P2RY8: variants seen among roughly 807,000 people sequenced by gnomAD.
P2RY8 encodes the protein S-geranylgeranyl-glutathione receptor P2RY8.
Under a neutral mutation model 10.0 loss-of-function variants are expected in P2RY8, and 6 were observed. That is an observed-to-expected ratio of 0.60 (90% CI 0.33 to 1.19). P2RY8 has a LOEUF of 1.19. Ranked by LOEUF, P2RY8 falls within the 50% of genes most tolerant of loss-of-function variation. The pLI, the probability that P2RY8 is intolerant of heterozygous loss-of-function variation, is 0.04. For synonymous variants in P2RY8, 276 were observed against 252.5 expected (o/e 1.09, Z -0.88); for missense variants, 456 against 542.0 (o/e 0.84, Z 1.58).
chrX:1,535,903 T>C lies in P2RY8; in HGVS notation c.-25+1018A>G, dbSNP rs766232862. Among the ~76,000 whole-genome samples, 8 of 152,150 alleles carry C rather than the reference T, an allele frequency of 5.3e-5. No homozygotes were observed. In the South Asian group the frequency reaches 1.2e-3, roughly 24 times the overall value. On this transcript the variant is annotated intron_variant, in intron 1 of 1. Coordinates refer to ENST00000381297, the MANE Select transcript of P2RY8 (RefSeq NM_178129.5). ...TTCTCAGCTTTTTAGGGGACAGATC[T>C]GACAAGACCCAAGGAATTGGGGTTT...
At chrX:1,466,609 CG>C (rs770186971) in intron 1 of P2RY8, 27 bp from the exon 2 acceptor site, 2 of 1,562,144 alleles carry the variant, frequency 1.3e-6, no homozygotes, top group South Asian at 2.4e-5. Context: ...GAAGGGTGTA[CG>C]GGTCAGGGGC....
At chrX:1,507,407 G>A (rs1404423226) in intron 1 of P2RY8, among the ~76,000 whole-genome samples, 1 of 152,106 alleles carries the variant, frequency 6.6e-6, no homozygotes, top group Admixed American at 6.6e-5. Context: ...ATCTCTCGTT[G>A]GATGAGGAGT....
chrX:1,472,634 G>C (rs370479093), intron 1 of P2RY8, among the ~76,000 whole-genome samples: 1 of 146,420 alleles, frequency 6.8e-6, no homozygotes, highest in African/African-American at 2.5e-5. Context: ...ATGAATGGAT[G>C]GGTTGATGGG....
intron 1 of P2RY8, among the ~76,000 whole-genome samples, chrX:1,484,738 AAAAAAAAAAAGAAG>A (rs1359197357): frequency 2.2e-5 from 3 of 139,310 alleles, no homozygotes; most frequent in Non-Finnish European, 4.7e-5. Flanking sequence ...AAAAAAAAAA[AAAAAAAAAAAGAAG>A]AAGAAGAAGA....
chrX:1,526,422 CATT>C (rs1458601962), intron 1 of P2RY8, among the ~76,000 whole-genome samples: 6 of 151,856 alleles, frequency 4.0e-5, no homozygotes, highest in Admixed American at 6.6e-5. Context: ...TGCATCCATT[CATT>C]CATTCATTCA....
At chrX:1,493,461 G>GGGAGGA (rs1569537411) in intron 1 of P2RY8, among the ~76,000 whole-genome samples, 1 of 110,222 alleles carries the variant, frequency 9.1e-6, no homozygotes, top group Non-Finnish European at 1.8e-5. Flanking sequence ...AGGAAGGAGG[G>GGGAGGA]AGGAGGGAGG....
chrX:1,513,594 C>T (rs1216911072), intron 1 of P2RY8, among the ~76,000 whole-genome samples: 2 of 151,610 alleles, frequency 1.3e-5, no homozygotes, highest in Non-Finnish European at 2.9e-5. Context: ...CCACTCTAAT[C>T]CAGAATGATC....
intron 1 of P2RY8, among the ~76,000 whole-genome samples, chrX:1,486,888 C>G (rs2091991055): frequency 6.6e-6 from 1 of 152,238 alleles, no homozygotes; most frequent in Non-Finnish European, 1.5e-5. Context: ...CCGCTTGTTG[C>G]TTGGGTCTTC....
chrX:1,464,658 G>A lies in P2RY8; in HGVS notation c.*821C>T, dbSNP rs140932374. ...CTTGTCCTGAGTCAGGGAAGCCTGA[G>A]TGTGTTCCAGGGGCCTGATGGGACC... On this transcript the variant is annotated 3_prime_UTR_variant, in exon 2 of 2. Coordinates refer to ENST00000381297, the MANE Select transcript of P2RY8 (RefSeq NM_178129.5). 1,312 of 233,430 alleles carry A rather than the reference G, an allele frequency of 5.6e-3. 6 individuals are homozygous for A. The highest frequency in any genetic ancestry group is 0.019 in the Middle Eastern group (15 of 786). 14.5% of individuals were successfully genotyped at this position (233,430 alleles called of 1,614,324 possible).
intron 1 of P2RY8, among the ~76,000 whole-genome samples, chrX:1,481,530 C>G (rs1265415862): frequency 6.6e-6 from 1 of 152,062 alleles, no homozygotes; most frequent in Non-Finnish European, 1.5e-5. Flanking sequence ...GGGATCCCAG[C>G]TTTGGGTTTA....
intron 1 of P2RY8, among the ~76,000 whole-genome samples, chrX:1,525,421 G>A (rs2092433467): frequency 6.6e-6 from 1 of 152,180 alleles, no homozygotes; most frequent in South Asian, 2.1e-4. Context: ...AGATTGCTGT[G>A]TGAAGACAGA....
chrX:1,500,153 C>A (rs56189824), intron 1 of P2RY8, among the ~76,000 whole-genome samples: 54,469 of 151,362 alleles, frequency 0.36, 11,209 homozygotes, highest in East Asian at 0.82. Context: ...CCACCGCGCC[C>A]GGCCTGTTGT....
chrX:1,529,061 C>T (rs1488525368), intron 1 of P2RY8, among the ~76,000 whole-genome samples: 1 of 152,100 alleles, frequency 6.6e-6, no homozygotes, highest in South Asian at 2.1e-4. Flanking sequence ...GCATTTAGTC[C>T]TCGGGCAGAT....
At chrX:1,496,580 G>A (rs2092118635) in intron 1 of P2RY8, among the ~76,000 whole-genome samples, 1 of 152,088 alleles carries the variant, frequency 6.6e-6, no homozygotes, top group African/African-American at 2.4e-5. Flanking sequence ...AGGCTGGGAA[G>A]GAAGGTGGTG....
intron 1 of P2RY8, among the ~76,000 whole-genome samples, chrX:1,513,246 C>CT (rs113633261): frequency 0.79 from 118,359 of 149,590 alleles, 47,010 homozygotes; most frequent in East Asian, 1. Flanking sequence ...CTATGTGCCA[C>CT]TTTTTTTTTT....
chrX:1,498,007 T>G (rs1431069082), intron 1 of P2RY8, among the ~76,000 whole-genome samples: 1 of 151,758 alleles, frequency 6.6e-6, no homozygotes, highest in Non-Finnish European at 1.5e-5. Flanking sequence ...ACGGAGAGCA[T>G]GAAGGATAAA....
chrX:1,501,277 CTG>C (rs1369676774), intron 1 of P2RY8, among the ~76,000 whole-genome samples: 1 of 152,216 alleles, frequency 6.6e-6, no homozygotes, highest in African/African-American at 2.4e-5. Flanking sequence ...TGGAAGCACT[CTG>C]TGCATCCCTG....
At chrX:1,490,766 T>A (rs2092038552) in intron 1 of P2RY8, among the ~76,000 whole-genome samples, 1 of 147,470 alleles carries the variant, frequency 6.8e-6, no homozygotes, top group Non-Finnish European at 1.5e-5. Context: ...ATACCCCAGA[T>A]TCACTTCTGC....
intron 1 of P2RY8, among the ~76,000 whole-genome samples, chrX:1,513,034 C>T (rs1178487112): frequency 6.6e-6 from 1 of 150,558 alleles, no homozygotes; most frequent in African/African-American, 2.5e-5. Flanking sequence ...CCCCCACCCC[C>T]CAACAGGCCC....
Sources: allele counts gnomAD v4.1 joint callset (sites outside exome capture counted in the v4.1 genomes callset), GRCh38; gene constraint gnomAD v4.1.1; transcripts MANE v1.5; gene names NCBI Gene and HGNC (gene_info 2026-07-23, HGNC 2026-07-21).